The following DUSP11 variants were observed in gnomAD, a reference collection of about 807,000 sequenced individuals.
DUSP11 encodes dual specificity phosphatase 11, also known as RNA/RNP complex-1-interacting phosphatase.
In DUSP11, 27 loss-of-function variants were observed where a neutral mutation model predicts 41.4. The ratio of observed to expected loss-of-function variants is 0.65; its 90% CI spans 0.48 to 0.90. The LOEUF (loss-of-function observed/expected upper bound fraction) is 0.90, where lower values mean the gene tolerates loss of function less well. Ranked by LOEUF, DUSP11 falls within the 40% of genes least tolerant of loss-of-function variation. The pLI is 0.00. For missense variants in DUSP11, 465 were observed against 461.1 expected (o/e 1.01, Z -0.08); for synonymous variants, 188 against 159.3 (o/e 1.18, Z -1.35).
chr2:73,769,232 T>A (rs776222992), intron 5 of DUSP11, 33 bp downstream of exon 5: 3 of 1,584,088 alleles, frequency 1.9e-6, no homozygotes, highest in African/African-American at 1.3e-5. Context: ...AAAAACAATT[T>A]AAAATGGTCT....
At chr2:73,774,461 T>C (rs1672642915) in intron 3 of DUSP11, among the ~76,000 whole-genome samples, 1 of 152,202 alleles carries the variant, frequency 6.6e-6, no homozygotes, top group African/African-American at 2.4e-5. Context: ...ATTCACAGTA[T>C]TGTGTAACCA....
chr2:73,771,660 A>AT (rs34330062), intron 4 of DUSP11, among the ~76,000 whole-genome samples: 81,887 of 134,784 alleles, frequency 0.61, 24,735 homozygotes, highest in Middle Eastern at 0.68. Context: ...TGCCTGGGTT[A>AT]TTTTTTTTTT....
intron 4 of DUSP11, among the ~76,000 whole-genome samples, chr2:73,770,825 G>A (rs11892172): frequency 0.62 from 93,976 of 151,864 alleles, 29,460 homozygotes; most frequent in Middle Eastern, 0.69. Context: ...CTTCTGCCCA[G>A]CCCCAACCTC....
chr2:73,765,104 T>A (rs573133669), intron 8 of DUSP11, among the ~76,000 whole-genome samples: 1 of 152,096 alleles, frequency 6.6e-6, no homozygotes, highest in South Asian at 2.1e-4. Flanking sequence ...TTTCTGGGAG[T>A]GTCTGTGAGG....
At chr2:73,768,326 T>C (rs1672508266) in intron 5 of DUSP11, 1 of 354,844 alleles carries the variant, frequency 2.8e-6, no homozygotes, top group Non-Finnish European at 3.9e-6. Context: ...GATTCTTTAA[T>C]ATCTACTCCC....
intron 5 of DUSP11, chr2:73,768,576 T>C (rs1672513977): frequency 8.1e-6 from 8 of 985,262 alleles, no homozygotes; most frequent in Non-Finnish European, 9.6e-6. Flanking sequence ...TACATAGAAA[T>C]GTTCACTACT....
intron 8 of DUSP11, among the ~76,000 whole-genome samples, chr2:73,763,868 A>T (rs1325928115): frequency 1.3e-5 from 2 of 152,200 alleles, no homozygotes; most frequent in Admixed American, 6.5e-5. Context: ...GTTGAATCAC[A>T]GCCTATTAGT....
chr2:73,766,347 T>A (rs762677137), intron 8 of DUSP11, 71 bp downstream of exon 8: 1 of 1,286,372 alleles, frequency 7.8e-7, no homozygotes, highest in Non-Finnish European at 1.1e-6. Context: ...ATCAGTATCA[T>A]AATGTGTTTT....
intron 8 of DUSP11, among the ~76,000 whole-genome samples, chr2:73,765,982 A>T (rs150801955): frequency 3.3e-5 from 5 of 152,338 alleles, no homozygotes; most frequent in Admixed American, 6.5e-5. Context: ...AATACAGAGC[A>T]GAATAATATC....
chr2:73,768,664 A>G, intron 5 of DUSP11: 2 of 985,440 alleles, frequency 2.0e-6, no homozygotes, highest in African/African-American at 3.5e-5. Context: ...CTTAAAAAGA[A>G]TAAGGAGTCT....
chr2:73,769,072 G>A, intron 5 of DUSP11, 193 bp downstream of exon 5: 1 of 528,910 alleles, frequency 1.9e-6, no homozygotes. Flanking sequence ...TAACATGTAT[G>A]CTTGTATCTG....
chr2:73,775,523 C>T (rs1432489499), intron 2 of DUSP11, among the ~76,000 whole-genome samples: 1 of 147,386 alleles, frequency 6.8e-6, no homozygotes, highest in Non-Finnish European at 1.5e-5. Context: ...GGACTACAGG[C>T]ATGAACCACC....
intron 2 of DUSP11, among the ~76,000 whole-genome samples, chr2:73,775,254 ATT>A (rs2103945717): frequency 6.6e-6 from 1 of 151,638 alleles, no homozygotes; most frequent in South Asian, 2.1e-4. Context: ...GTATTTCTGT[ATT>A]TGTTTCATGT....
intron 8 of DUSP11, 69 bp from the exon 9 acceptor site, chr2:73,762,928 T>TA: frequency 1.6e-6 from 1 of 644,306 alleles, no homozygotes; most frequent in Non-Finnish European, 2.2e-6. Flanking sequence ...TATTTTAAAT[T>TA]TATATTTTCA....
At chr2:73,773,800 C>A in exon 4 of DUSP11, 1 of 1,603,974 alleles carries the variant, frequency 6.2e-7, no homozygotes, top group Non-Finnish European at 8.5e-7. Context: ...AAAAACTCAC[C>A]ATTATCTTTA....
chr2:73,777,899 T>C (rs1672714258), intron 2 of DUSP11, among the ~76,000 whole-genome samples: 1 of 152,186 alleles, frequency 6.6e-6, no homozygotes, highest in Non-Finnish European at 1.5e-5. Context: ...GATTATACTT[T>C]GTTATATTTG....
exon 9 of DUSP11, chr2:73,762,804 G>T: frequency 1.2e-6 from 2 of 1,611,400 alleles, no homozygotes; most frequent in Non-Finnish European, 1.7e-6. Context: ...TCTCCAGGGG[G>T]ACCAGGAGGA....
At chr2:73,767,242 C>T (rs201273120) in intron 5 of DUSP11, 35 bp from the exon 6 acceptor site, 61 of 1,558,926 alleles carry the variant, frequency 3.9e-5, no homozygotes, top group South Asian at 5.8e-5. Flanking sequence ...CATTTATATA[C>T]GAAAAGAAAA....
chr2:73,779,441 C>G (rs1672750483), intron 1 of DUSP11: 1 of 195,922 alleles, frequency 5.1e-6, no homozygotes, highest in Admixed American at 5.3e-5. Context: ...ACAAAGTATG[C>G]TCTTTGTGAT....
Sources: gnomAD v4.1 joint callset for allele counts (sites outside exome capture counted in the v4.1 genomes callset) on GRCh38, gnomAD v4.1.1 for gene constraint, MANE v1.5 for transcripts, NCBI Gene and HGNC (gene_info 2026-07-23, HGNC 2026-07-21) for gene names.